The following SLC38A11 variants were observed in gnomAD, a reference collection of about 807,000 sequenced individuals.
SLC38A11 encodes solute carrier family 38 member 11, also known as putative sodium-coupled neutral amino acid transporter 11.
In SLC38A11, 51 loss-of-function variants were observed where a neutral mutation model predicts 49.4. The ratio of observed to expected loss-of-function variants is 1.03; its 90% CI spans 0.83 to 1.30. SLC38A11 has a LOEUF of 1.30. SLC38A11 is among the 50% of genes most tolerant of loss of function. The pLI is 0.00. For synonymous variants in SLC38A11, 203 were observed against 192.9 expected, an observed-to-expected ratio of 1.05 and a Z score of -0.43; for missense variants, 574 against 556.2, an observed-to-expected ratio of 1.03 and a Z score of -0.32.
At position 164,952,713 on chromosome 2, in the gene SLC38A11, C is replaced by T. The variant is rs781747709; in HGVS notation, c.223G>A (p.Val75Ile). ...AAATTATATAGTATTTTACCTGTAA[C>T]ATATGAAACCCAGAATAAAAGCAAT... ...GILLLFWVSY[V>I]TDFSLVLLIK... Residue 75 changes from valine (V) to isoleucine (I), a missense_variant, in exon 3 of 12, where the codon GTT (valine) becomes ATT (isoleucine). By Grantham distance (29) the Val-to-Ile change is conservative (BLOSUM62 3). Coordinates refer to ENST00000685975, the MANE Select transcript of SLC38A11 (RefSeq NM_001351537.2). 3.1e-6 allele frequency: 5 copies of T among 1,606,588 alleles called. No individual in the cohort carries two copies. Among genetic ancestry groups the T allele is most frequent in the Non-Finnish European group, 3.4e-6 (4 of 1,174,942 alleles).
intron 5 of SLC38A11, among the ~76,000 whole-genome samples, chr2:164,940,228 T>TA (rs1687667247): frequency 7.0e-6 from 1 of 142,228 alleles, no homozygotes; most frequent in Non-Finnish European, 1.5e-5. Flanking sequence ...ATAGAAAATT[T>TA]TATATATATA....
At chr2:164,925,575 A>C (rs894988736) in intron 7 of SLC38A11, among the ~76,000 whole-genome samples, 1 of 152,184 alleles carries the variant, frequency 6.6e-6, no homozygotes, top group African/African-American at 2.4e-5. Context: ...AGGATCCCAC[A>C]AAATGAGGAT....
chr2:164,953,236 T>G (rs907995022), intron 2 of SLC38A11: 1 of 152,952 alleles, frequency 6.5e-6, no homozygotes, highest in African/African-American at 2.4e-5. Context: ...GGGGCTACTA[T>G]GTAGGAAAAA....
intron 7 of SLC38A11, among the ~76,000 whole-genome samples, chr2:164,933,360 C>T (rs1178563774): frequency 6.6e-6 from 1 of 151,882 alleles, no homozygotes. Flanking sequence ...TCCTTGCCAC[C>T]TCAGTTTTTA....
At chr2:164,944,529 T>G in intron 5 of SLC38A11, 40 bp downstream of exon 5, 1 of 952,462 alleles carries the variant, frequency 1.0e-6, no homozygotes, top group Non-Finnish European at 1.4e-6. Flanking sequence ...CTATATAAAA[T>G]AAATATATTT....
intron 7 of SLC38A11, among the ~76,000 whole-genome samples, chr2:164,930,105 T>G (rs1198395714): frequency 6.6e-6 from 1 of 151,546 alleles, no homozygotes; most frequent in Non-Finnish European, 1.5e-5. Flanking sequence ...AAATAAAAAT[T>G]AGAGAATATT....
At chr2:164,933,893 G>A (rs1687181022) in intron 7 of SLC38A11, among the ~76,000 whole-genome samples, 1 of 152,100 alleles carries the variant, frequency 6.6e-6, no homozygotes, top group Admixed American at 6.6e-5. Context: ...AGGTGGCACA[G>A]TATTAAAAAA....
chr2:164,920,274 C>T (rs1355060884), intron 7 of SLC38A11, among the ~76,000 whole-genome samples: 2 of 97,740 alleles, frequency 2.0e-5, no homozygotes, highest in African/African-American at 7.9e-5. Flanking sequence ...GAGCAAGACT[C>T]CGTTAAAAAA....
intron 7 of SLC38A11, among the ~76,000 whole-genome samples, chr2:164,924,309 C>G (rs1307971994): frequency 1.3e-5 from 2 of 152,026 alleles, no homozygotes; most frequent in African/African-American, 4.8e-5. Context: ...GACACTGGAA[C>G]TGGGAATACA....
chr2:164,954,874 A>C (rs926354541), intron 1 of SLC38A11, 129 bp from the exon 2 acceptor site: 1 of 563,752 alleles, frequency 1.8e-6, no homozygotes, highest in African/African-American at 1.9e-5. Flanking sequence ...AAAATAAAAT[A>C]AATGCCGGGA....
intron 7 of SLC38A11, among the ~76,000 whole-genome samples, chr2:164,928,430 G>A (rs1686745002): frequency 6.6e-6 from 1 of 152,140 alleles, no homozygotes; most frequent in South Asian, 2.1e-4. Flanking sequence ...AAGGCACATA[G>A]ATTCATTCAT....
At chr2:164,905,593 G>A (rs1368838011) in intron 11 of SLC38A11, among the ~76,000 whole-genome samples, 5 of 152,020 alleles carry the variant, frequency 3.3e-5, no homozygotes, top group Admixed American at 6.6e-5. Flanking sequence ...ATTTGAATAC[G>A]TTCTTACGCA....
chr2:164,903,180 A>G (rs1684772326), intron 11 of SLC38A11, among the ~76,000 whole-genome samples: 1 of 49,846 alleles, frequency 2.0e-5, no homozygotes, highest in Admixed American at 3.2e-4. Context: ...TAATTCAAAT[A>G]CAAATGTGTG....
chr2:164,903,989 CAT>C (rs1192369362), intron 11 of SLC38A11, among the ~76,000 whole-genome samples: 4 of 152,154 alleles, frequency 2.6e-5, no homozygotes, highest in African/African-American at 9.7e-5. Flanking sequence ...AATCTAAACT[CAT>C]GAAATTCACT....
chr2:164,916,816 A>T (rs1685825146), intron 7 of SLC38A11, among the ~76,000 whole-genome samples: 1 of 152,170 alleles, frequency 6.6e-6, no homozygotes, highest in African/African-American at 2.4e-5. Flanking sequence ...ATCATGAATA[A>T]TGATGAACAG....
chr2:164,932,316 T>A (rs949335631), intron 7 of SLC38A11, among the ~76,000 whole-genome samples: 2 of 151,690 alleles, frequency 1.3e-5, no homozygotes, highest in Non-Finnish European at 2.9e-5. Flanking sequence ...TTGGTGGGAG[T>A]GTAAATAAGT....
At chr2:164,945,757 A>G in intron 3 of SLC38A11, 30 bp from the exon 4 acceptor site, 1 of 1,585,528 alleles carries the variant, frequency 6.3e-7, no homozygotes, top group East Asian at 2.3e-5. Flanking sequence ...TAAATGTCAG[A>G]TTACATGTAA....
intron 5 of SLC38A11, 70 bp from the exon 6 acceptor site, chr2:164,939,626 A>G: frequency 1.1e-6 from 1 of 927,004 alleles, no homozygotes; most frequent in Non-Finnish European, 1.6e-6. Context: ...TAAATAGGCC[A>G]GCATTTAATT....
At chr2:164,928,971 C>G (rs1227399428) in intron 7 of SLC38A11, among the ~76,000 whole-genome samples, 1 of 152,064 alleles carries the variant, frequency 6.6e-6, no homozygotes, top group Non-Finnish European at 1.5e-5. Context: ...TAAGTTTTGA[C>G]TTAGTCTATG....
Sources: allele counts gnomAD v4.1 joint callset (sites outside exome capture counted in the v4.1 genomes callset), GRCh38; gene constraint gnomAD v4.1.1; transcripts MANE v1.5; gene names NCBI Gene and HGNC (gene_info 2026-07-23, HGNC 2026-07-21).